The following ZBTB7C variants were observed in gnomAD, a reference collection of about 807,000 sequenced individuals.
ZBTB7C encodes the protein zinc finger and BTB domain-containing protein 7C.
A neutral mutation model predicts 25.7 loss-of-function variants in ZBTB7C; 8 were observed. The observed-to-expected ratio is 0.31, with a 90% confidence interval of 0.18 to 0.56. ZBTB7C has a LOEUF of 0.56. Ranked by LOEUF, ZBTB7C falls within the 20% of genes least tolerant of loss-of-function variation. The probability of loss-of-function intolerance (pLI) is 0.91; values close to 1 mark genes in which losing one functional copy is unlikely to be tolerated. For missense variants in ZBTB7C, 824 were observed against 855.2 expected (o/e 0.96, Z 0.46); for synonymous variants, 394 against 369.0 (o/e 1.07, Z -0.78).
At chr18:48,272,036 A>G (rs994432757) in intron 2 of ZBTB7C, among the ~76,000 whole-genome samples, 1 of 152,216 alleles carries the variant, frequency 6.6e-6, no homozygotes, top group African/African-American at 2.4e-5. Context: ...AAATGATATC[A>G]TTGCTCATGA....
chr18:48,367,202 T>TATATATATATACACACACAC (rs1302394192), intron 1 of ZBTB7C, among the ~76,000 whole-genome samples: 1 of 63,404 alleles, frequency 1.6e-5, no homozygotes, highest in African/African-American at 6.1e-5. Context: ...TATATATATA[T>TATATATATATACACACACAC]ACACACACAC....
chr18:48,100,182 A>G (rs1206664406), intron 3 of ZBTB7C, among the ~76,000 whole-genome samples: 1 of 152,196 alleles, frequency 6.6e-6, no homozygotes, highest in African/African-American at 2.4e-5. Flanking sequence ...TCATCAGCAG[A>G]TTAGAATTGG....
intron 3 of ZBTB7C, among the ~76,000 whole-genome samples, chr18:48,158,400 G>C (rs1488577349): frequency 6.6e-6 from 1 of 152,142 alleles, no homozygotes; most frequent in Non-Finnish European, 1.5e-5. Flanking sequence ...CTGGGTCTAG[G>C]AGCCAGGAGT....
chr18:48,116,464 C>T (rs1028451581), intron 3 of ZBTB7C, among the ~76,000 whole-genome samples: 2 of 152,246 alleles, frequency 1.3e-5, no homozygotes, highest in Non-Finnish European at 2.9e-5. Flanking sequence ...ACACCAAATG[C>T]TGGAGGCCAC....
At position 48,113,769 on chromosome 18, in the gene ZBTB7C, G is replaced by A. The variant is rs80087105; in HGVS notation, c.-17+72165C>T. Among the ~76,000 whole-genome samples, 1,163 of 152,366 alleles carry A rather than the reference G, an allele frequency of 7.6e-3. 7 individuals carry two copies. Among genetic ancestry groups the A allele is most frequent in the Non-Finnish European group, 0.012 (789 of 68,036 alleles). On this transcript the variant is annotated intron_variant, in intron 3 of 4. Transcript: ENST00000590800. ...GTCAGGAGAGTCCCAGCTATTATCA[G>A]TGACAACAACCCTGCTTGCTCTCTG... is the stretch of plus-strand genomic sequence containing the variant.
intron 3 of ZBTB7C, among the ~76,000 whole-genome samples, chr18:48,078,521 A>C (rs1461445076): frequency 6.6e-6 from 1 of 152,204 alleles, no homozygotes; most frequent in African/African-American, 2.4e-5. Flanking sequence ...CAGCAGGCCC[A>C]GCATAAGAAG....
At chr18:48,207,124 C>T (rs1375941229) in intron 2 of ZBTB7C, among the ~76,000 whole-genome samples, 2 of 152,224 alleles carry the variant, frequency 1.3e-5, no homozygotes, top group Non-Finnish European at 2.9e-5. Flanking sequence ...ACCACAGGGA[C>T]GTAGCACTGA....
At chr18:48,381,144 C>T (rs2047625860) in intron 1 of ZBTB7C, among the ~76,000 whole-genome samples, 1 of 152,186 alleles carries the variant, frequency 6.6e-6, no homozygotes, top group Admixed American at 6.5e-5. Flanking sequence ...GTTCCATGTA[C>T]TTCTTCTTAG....
intron 2 of ZBTB7C, among the ~76,000 whole-genome samples, chr18:48,265,215 T>C (rs1158663431): frequency 6.6e-6 from 1 of 152,234 alleles, no homozygotes; most frequent in Non-Finnish European, 1.5e-5. Flanking sequence ...CTAACTCTGC[T>C]CCTGCAACTC....
chr18:48,394,566 G>A (rs1568421964), intron 1 of ZBTB7C, among the ~76,000 whole-genome samples: 1 of 152,212 alleles, frequency 6.6e-6, no homozygotes, highest in Non-Finnish European at 1.5e-5. Flanking sequence ...ATTTTGGAAA[G>A]GTAACGAAGT....
At chr18:48,381,615 A>G (rs1040200957) in intron 1 of ZBTB7C, among the ~76,000 whole-genome samples, 1 of 152,246 alleles carries the variant, frequency 6.6e-6, no homozygotes, top group African/African-American at 2.4e-5. Context: ...TGACATAAAT[A>G]TGTTGGGAGG....
chr18:48,393,066 T>C (rs2047938442), intron 1 of ZBTB7C, among the ~76,000 whole-genome samples: 1 of 152,222 alleles, frequency 6.6e-6, no homozygotes, highest in Non-Finnish European at 1.5e-5. Flanking sequence ...TTTCACTAAA[T>C]ATGCTGATAA....
chr18:48,030,496 C>G (rs553731863), intron 4 of ZBTB7C, among the ~76,000 whole-genome samples: 1 of 152,216 alleles, frequency 6.6e-6, no homozygotes, highest in Non-Finnish European at 1.5e-5. Context: ...TTATCCTAAG[C>G]CTTGGGCTCT....
At chr18:48,113,361 T>G (rs1157858423) in intron 3 of ZBTB7C, among the ~76,000 whole-genome samples, 1 of 152,226 alleles carries the variant, frequency 6.6e-6, no homozygotes, top group Non-Finnish European at 1.5e-5. Flanking sequence ...ACCATCATGG[T>G]TAGTTACTGG....
intron 2 of ZBTB7C, among the ~76,000 whole-genome samples, chr18:48,327,064 C>A (rs1292297504): frequency 6.6e-6 from 1 of 152,168 alleles, no homozygotes; most frequent in East Asian, 1.9e-4. Context: ...GAGTCACCAG[C>A]CTCTGGCCTG....
chr18:48,301,457 C>T (rs901234837), intron 2 of ZBTB7C, among the ~76,000 whole-genome samples: 4 of 152,098 alleles, frequency 2.6e-5, no homozygotes, highest in Admixed American at 6.5e-5. Flanking sequence ...CCAGCCTGGG[C>T]GACAGAGTGA....
At chr18:48,165,482 G>A (rs1218264050) in intron 3 of ZBTB7C, 2 of 290,370 alleles carry the variant, frequency 6.9e-6, no homozygotes, top group African/African-American at 2.2e-5. Flanking sequence ...CCCAAACTGC[G>A]GCCTCATCAG....
chr18:48,411,969 A>G (rs1024639822), upstream of ZBTB7C, among the ~76,000 whole-genome samples: 1 of 152,236 alleles, frequency 6.6e-6, no homozygotes, highest in South Asian at 2.1e-4. Flanking sequence ...TGCAATAATT[A>G]ATAGAATTTA....
chr18:48,196,822 C>T (rs2042328721), intron 2 of ZBTB7C, among the ~76,000 whole-genome samples: 1 of 152,218 alleles, frequency 6.6e-6, no homozygotes, highest in Admixed American at 6.5e-5. Context: ...GCACCTGCAA[C>T]TCATGAAGAG....
Sources: gnomAD v4.1 joint callset for allele counts (sites outside exome capture counted in the v4.1 genomes callset) on GRCh38, gnomAD v4.1.1 for gene constraint, MANE v1.5 for transcripts, NCBI Gene and HGNC (gene_info 2026-07-23, HGNC 2026-07-21) for gene names.